NUP35: variants seen among roughly 807,000 people sequenced by gnomAD.
NUP35 encodes nucleoporin NUP35.
NUP35 carries 25 observed loss-of-function variants against 41.5 expected under a neutral mutation model. That is an observed-to-expected ratio of 0.60 (90% CI 0.44 to 0.84). NUP35 has a LOEUF of 0.84. Ranked by LOEUF, NUP35 falls within the 40% of genes least tolerant of loss-of-function variation. NUP35 has a pLI of 0.00. For missense variants in NUP35, 396 were observed against 396.6 expected (o/e 1.00, Z 0.01); for synonymous variants, 149 against 130.7 (o/e 1.14, Z -0.96).
intron 4 of NUP35, among the ~76,000 whole-genome samples, chr2:183,143,500 A>AT (rs1685175555): frequency 6.6e-6 from 1 of 152,152 alleles, no homozygotes; most frequent in Non-Finnish European, 1.5e-5. Flanking sequence ...GGTGTTCTGA[A>AT]TATGGGCAGG....
At chr2:183,134,119 C>T (rs1684796335) in intron 4 of NUP35, among the ~76,000 whole-genome samples, 1 of 152,076 alleles carries the variant, frequency 6.6e-6, no homozygotes, top group Non-Finnish European at 1.5e-5. Context: ...GATTATATAC[C>T]TAGTTTTTCT....
upstream of NUP35, among the ~76,000 whole-genome samples, chr2:183,121,730 G>A (rs1284115911): frequency 1.3e-5 from 2 of 151,800 alleles, no homozygotes; most frequent in South Asian, 2.1e-4. Context: ...CCAGCTACTC[G>A]GGAGACTGAG....
intron 4 of NUP35, among the ~76,000 whole-genome samples, chr2:183,151,062 T>C (rs1176385555): frequency 6.6e-6 from 1 of 152,244 alleles, no homozygotes; most frequent in Non-Finnish European, 1.5e-5. Flanking sequence ...AGATATTGTT[T>C]AGTGCATACT....
chr2:183,153,704 G>A (rs928624995), intron 5 of NUP35, among the ~76,000 whole-genome samples: 14 of 152,154 alleles, frequency 9.2e-5, no homozygotes, highest in South Asian at 2.1e-4. Flanking sequence ...CTGGCATTGC[G>A]TGTATGGGTT....
At chr2:183,127,217 G>A (rs915816578) in intron 1 of NUP35, among the ~76,000 whole-genome samples, 4 of 151,916 alleles carry the variant, frequency 2.6e-5, no homozygotes, top group African/African-American at 9.7e-5. Flanking sequence ...TGTATCAATT[G>A]TGAGGTTTCA....
chr2:183,142,751 A>G (rs1685142223), intron 4 of NUP35, among the ~76,000 whole-genome samples: 2 of 151,424 alleles, frequency 1.3e-5, no homozygotes, highest in South Asian at 4.3e-4. Context: ...AAGTGCTGGG[A>G]CTACAGGTGT....
intron 3 of NUP35, chr2:183,130,932 G>A: frequency 1.8e-6 from 2 of 1,140,508 alleles, no homozygotes; most frequent in Non-Finnish European, 2.2e-6. Context: ...GTTTCATCTA[G>A]ATCTAGGGCA....
intron 5 of NUP35, among the ~76,000 whole-genome samples, chr2:183,152,110 AACACACACACACACACAC>A (rs67798004): frequency 0.013 from 1,527 of 113,448 alleles, 29 homozygotes; most frequent in African/African-American, 0.04. Flanking sequence ...AACATTTACA[AACACACACACACACACAC>A]ACACACACAC....
intron 5 of NUP35, among the ~76,000 whole-genome samples, chr2:183,155,733 G>A (rs1685641412): frequency 6.6e-6 from 1 of 152,008 alleles, no homozygotes; most frequent in South Asian, 2.1e-4. Flanking sequence ...CAGCTTGGCT[G>A]CATGTTTTTG....
At chr2:183,129,215 C>G (rs892293277) in intron 2 of NUP35, among the ~76,000 whole-genome samples, 30 of 138,700 alleles carry the variant, frequency 2.2e-4, no homozygotes, top group African/African-American at 8.7e-4. Context: ...TTTAAGGAAA[C>G]TTGGGGGGGA....
At chr2:183,139,190 A>G (rs1172845712) in intron 4 of NUP35, among the ~76,000 whole-genome samples, 1 of 147,992 alleles carries the variant, frequency 6.8e-6, no homozygotes, top group East Asian at 2.0e-4. Flanking sequence ...ACTTAACATT[A>G]TGGTTTTGCA....
intron 4 of NUP35, among the ~76,000 whole-genome samples, chr2:183,148,135 ATTCCT>A (rs1685343683): frequency 6.6e-6 from 1 of 152,142 alleles, no homozygotes; most frequent in African/African-American, 2.4e-5. Flanking sequence ...TGCAAAATTG[ATTCCT>A]TTCCTTTAAA....
At chr2:183,158,449 A>C in intron 7 of NUP35, 38 bp downstream of exon 7, 1 of 1,536,484 alleles carries the variant, frequency 6.5e-7, no homozygotes, top group East Asian at 2.3e-5. Flanking sequence ...AGCTTAATCT[A>C]TATGAAGAGC....
At position 183,130,631 on chromosome 2, in the gene NUP35, T is replaced by G. The variant is rs1406590157; in HGVS notation, c.339+86T>G. On this transcript the variant is annotated intron_variant, in intron 3 of 8. Coordinates refer to ENST00000295119, the MANE Select transcript of NUP35 (RefSeq NM_138285.5). ...GTGAGAGTCAATACTTTGAAATGTT[T>G]CCCTGAAGTCTGTTTTAATGTAACT... is the stretch of plus-strand genomic sequence containing the variant. 7 of 1,366,140 alleles carry G rather than the reference T, an allele frequency of 5.1e-6. No individual in the cohort carries two copies. The East Asian group carries it at 1.6e-4, about 31-fold the overall frequency. The allele number at this position is 1,366,140 out of a possible 1,614,324, so 84.6% of individuals were successfully genotyped here. A position where few individuals can be genotyped will look rare whatever the true frequency, so the allele number is the denominator to read the frequency against.
intron 4 of NUP35, among the ~76,000 whole-genome samples, chr2:183,143,838 G>T (rs1685185423): frequency 6.6e-6 from 1 of 152,222 alleles, no homozygotes; most frequent in Middle Eastern, 3.4e-3. Context: ...GTGAATACAG[G>T]GTTCAGTTCA....
intron 1 of NUP35, among the ~76,000 whole-genome samples, chr2:183,127,126 TGC>T (rs1447702920): frequency 2.0e-5 from 3 of 152,238 alleles, no homozygotes; most frequent in Non-Finnish European, 4.4e-5. Context: ...TCTGCTATTT[TGC>T]TCTGAAATTA....
At chr2:183,150,606 A>AT (rs1007126065) in intron 4 of NUP35, among the ~76,000 whole-genome samples, 8 of 150,208 alleles carry the variant, frequency 5.3e-5, no homozygotes, top group Admixed American at 3.3e-4. Flanking sequence ...TCTCTGCTTT[A>AT]TTTTTTTTTC....
chr2:183,126,662 T>C (rs1684501405), intron 1 of NUP35, among the ~76,000 whole-genome samples: 1 of 151,940 alleles, frequency 6.6e-6, no homozygotes, highest in South Asian at 2.1e-4. Context: ...TTGTCTTTTA[T>C]ACACTTGTAT....
At chr2:183,132,271 C>T (rs1462423276) in intron 3 of NUP35, among the ~76,000 whole-genome samples, 1 of 152,020 alleles carries the variant, frequency 6.6e-6, no homozygotes, top group Non-Finnish European at 1.5e-5. Context: ...ATCCACCTTC[C>T]TTGGCCTTCA....
Sources: gnomAD v4.1 joint callset for allele counts (sites outside exome capture counted in the v4.1 genomes callset) on GRCh38, gnomAD v4.1.1 for gene constraint, MANE v1.5 for transcripts, NCBI Gene and HGNC (gene_info 2026-07-23, HGNC 2026-07-21) for gene names.